RASSF2: variants seen among roughly 807,000 people sequenced by gnomAD.
RASSF2 encodes ras association domain-containing protein 2.
RASSF2 carries 34 observed loss-of-function variants against 46.3 expected under a neutral mutation model. That is an observed-to-expected ratio of 0.73 (90% CI 0.56 to 0.98). RASSF2 has a LOEUF of 0.98. Among genes scored for constraint, RASSF2 ranks in the 50% least tolerant of loss-of-function variants. The probability of loss-of-function intolerance (pLI) is 0.00; values close to 1 mark genes in which losing one functional copy is unlikely to be tolerated. For missense variants in RASSF2, 364 were observed against 431.2 expected, an observed-to-expected ratio of 0.84 and a Z score of 1.38; for synonymous variants, 158 against 162.5, an observed-to-expected ratio of 0.97 and a Z score of 0.21.
At chr20:4,817,780 C>T (rs964859322) in intron 2 of RASSF2, among the ~76,000 whole-genome samples, 2 of 152,148 alleles carry the variant, frequency 1.3e-5, no homozygotes, top group East Asian at 1.9e-4. Flanking sequence ...CTGGGTGTCT[C>T]ATGGTGGGTG....
At chr20:4,791,889 C>A (rs1027027000) in intron 6 of RASSF2, among the ~76,000 whole-genome samples, 1 of 152,150 alleles carries the variant, frequency 6.6e-6, no homozygotes, top group South Asian at 2.1e-4. Context: ...AACATTCCCC[C>A]AGATAAACTG....
intron 4 of RASSF2, 47 bp from the exon 5 acceptor site, chr20:4,796,013 G>A (rs4549182): frequency 0.26 from 375,250 of 1,456,074 alleles, 49,430 homozygotes; most frequent in East Asian, 0.34. Context: ...AGCCCCCACA[G>A]AAGCCAAGAC....
chr20:4,820,568 G>A (rs1374281669), intron 2 of RASSF2, among the ~76,000 whole-genome samples: 1 of 152,064 alleles, frequency 6.6e-6, no homozygotes, highest in Admixed American at 6.5e-5. Context: ...TGGAGACAGG[G>A]AAGTGTTTAA....
At chr20:4,813,676 G>A (rs1349273484) in intron 2 of RASSF2, among the ~76,000 whole-genome samples, 1 of 152,216 alleles carries the variant, frequency 6.6e-6, no homozygotes, top group Admixed American at 6.5e-5. Context: ...GCTGGAGCGG[G>A]ACGAAAAAGG....
intron 2 of RASSF2, among the ~76,000 whole-genome samples, chr20:4,817,841 T>C (rs986145551): frequency 1.3e-5 from 2 of 152,192 alleles, no homozygotes; most frequent in Non-Finnish European, 2.9e-5. Context: ...GGTTTTGTTC[T>C]TGTATAGACA....
At chr20:4,787,041 G>A (rs1387109043) in intron 10 of RASSF2, among the ~76,000 whole-genome samples, 1 of 151,012 alleles carries the variant, frequency 6.6e-6, no homozygotes, top group South Asian at 2.1e-4. Context: ...CTGGGCAACA[G>A]AGCGAGACTC....
intron 2 of RASSF2, among the ~76,000 whole-genome samples, chr20:4,811,028 A>G (rs912155134): frequency 2.0e-5 from 3 of 152,098 alleles, no homozygotes; most frequent in Non-Finnish European, 4.4e-5. Context: ...CTCCCAGAGC[A>G]GCGGCAGGGA....
At chr20:4,788,474 A>G (rs1012184504) in intron 8 of RASSF2, among the ~76,000 whole-genome samples, 16 of 152,344 alleles carry the variant, frequency 1.1e-4, no homozygotes, top group African/African-American at 3.6e-4. Flanking sequence ...CTTAACCACG[A>G]GGATGCATTC....
intron 3 of RASSF2, among the ~76,000 whole-genome samples, chr20:4,799,199 C>T (rs1252742498): frequency 6.6e-6 from 1 of 152,158 alleles, no homozygotes; most frequent in African/African-American, 2.4e-5. Context: ...AGAAACTCCC[C>T]CTCTGAAGCC....
Position 4,785,596 on chromosome 20 carries a change from A to G in RASSF2, c.911+635T>C, listed in dbSNP as rs150392781. ...ATCCAAATGCAATTTCCAGAAGATA[A>G]ATGTTACAAAGGGAGGAAGGGGGAG... On this transcript the variant is annotated intron_variant, in intron 11 of 11. Transcript: ENST00000379400. Among the ~76,000 whole-genome samples, 44 of 152,330 alleles carry G rather than the reference A, an allele frequency of 2.9e-4. No homozygotes were observed. The East Asian group carries it at 7.5e-3, about 26-fold the overall frequency.
intron 6 of RASSF2, among the ~76,000 whole-genome samples, chr20:4,791,382 C>T (rs1925864723): frequency 6.6e-6 from 1 of 152,092 alleles, no homozygotes; most frequent in South Asian, 2.1e-4. Context: ...TACCACTGAA[C>T]TGTACCACTT....
chr20:4,792,515 G>C, intron 6 of RASSF2, 24 bp downstream of exon 6: 1 of 1,613,898 alleles, frequency 6.2e-7, no homozygotes, highest in Non-Finnish European at 8.5e-7. Context: ...TCCCTAGCTG[G>C]AAGTACCTTC....
At chr20:4,817,102 T>A (rs564393024) in intron 2 of RASSF2, among the ~76,000 whole-genome samples, 39 of 152,224 alleles carry the variant, frequency 2.6e-4, no homozygotes, top group African/African-American at 9.1e-4. Flanking sequence ...TGAAACTACA[T>A]CTCAAAAATA....
intron 2 of RASSF2, chr20:4,815,257 AGC>A (rs1300699593): frequency 6.6e-6 from 1 of 152,436 alleles, no homozygotes; most frequent in Non-Finnish European, 1.5e-5. Flanking sequence ...ACTCTGCCTC[AGC>A]AGCCCCCCAA....
chr20:4,812,637 G>C lies in RASSF2; in HGVS notation c.-33+9692C>G, dbSNP rs1307568906. Among the ~76,000 whole-genome samples the C allele has an allele frequency of 6.6e-6, 1 of 152,248 alleles. No homozygotes were observed. The highest frequency in any genetic ancestry group is 2.4e-5 in the African/African-American group (1 of 41,472). Reference sequence around the variant, plus strand: ...ATTCAGTAATTCTGGGGTGGGGTCTGAGAAGGTGCAGTTCTAATAAGCGCC... The same window carrying C: ...ATTCAGTAATTCTGGGGTGGGGTCTCAGAAGGTGCAGTTCTAATAAGCGCC... On this transcript the variant is annotated intron_variant, in intron 2 of 11. Coordinates refer to ENST00000379400, the MANE Select transcript of RASSF2 (RefSeq NM_014737.3). The surrounding 1 kb of genome is among the most constrained non-coding windows in gnomAD (Gnocchi z 4.0).
chr20:4,804,295 A>G (rs1451946799), intron 2 of RASSF2, among the ~76,000 whole-genome samples: 1 of 151,128 alleles, frequency 6.6e-6, no homozygotes, highest in African/African-American at 2.4e-5. Context: ...TGAAAACCGG[A>G]GTACACATGT....
intron 2 of RASSF2, among the ~76,000 whole-genome samples, chr20:4,804,349 C>CTTTCT (rs1927159561): frequency 1.2e-5 from 1 of 80,910 alleles, no homozygotes; most frequent in African/African-American, 4.6e-5. Context: ...AGTGAGAAAG[C>CTTTCT]TTTCTTTTTT....
Position 4,781,238 on chromosome 20 carries a change from G to GA in RASSF2, c.*3034_*3035insT, listed in dbSNP as rs397762014. ...CATGGAAAACAGATATTTTGGGGGGGGCATTATATGCTACCGATATTAGGA... is the reference window on the plus strand; with the variant it reads ...CATGGAAAACAGATATTTTGGGGGGGAGCATTATATGCTACCGATATTAGGA... On this transcript the variant is annotated 3_prime_UTR_variant, in exon 12 of 12. Transcript: ENST00000379400. 6.6e-6 allele frequency: 1 copy of GA among 151,384 alleles called. No homozygotes were observed. Among genetic ancestry groups the GA allele is most frequent in the Non-Finnish European group, 1.5e-5 (1 of 67,854 alleles). 9.4% of individuals were successfully genotyped at this position (151,384 alleles called of 1,614,324 possible).
intron 6 of RASSF2, among the ~76,000 whole-genome samples, chr20:4,791,323 C>T (rs1925859808): frequency 6.6e-6 from 1 of 152,070 alleles, no homozygotes; most frequent in Non-Finnish European, 1.5e-5. Context: ...GGAAAGAGTT[C>T]TGGAGATGGA....
Sources: allele counts gnomAD v4.1 joint callset (sites outside exome capture counted in the v4.1 genomes callset), GRCh38; gene constraint gnomAD v4.1.1; non-coding constraint Gnocchi (gnomAD v3.1); transcripts MANE v1.5; gene names NCBI Gene and HGNC (gene_info 2026-07-23, HGNC 2026-07-21).